Variants in DPY19L2 observed in about 807,000 individuals in gnomAD.
DPY19L2 encodes dpy-19 like 2.
A neutral mutation model predicts 97.9 loss-of-function variants in DPY19L2; 34 were observed. The ratio of observed to expected loss-of-function variants is 0.35; its 90% CI spans 0.26 to 0.46. The LOEUF is 0.46. DPY19L2 is among the 20% of genes least tolerant of loss of function. The pLI, the probability that DPY19L2 is intolerant of heterozygous loss-of-function variation, is 1.00. For missense variants in DPY19L2, 623 were observed against 911.4 expected (o/e 0.68, Z 4.07); for synonymous variants, 230 against 307.9 (o/e 0.75, Z 2.65).
chr12:63,594,024 G>A (rs1345441276), intron 16 of DPY19L2, 63 bp downstream of exon 16: 19 of 1,172,006 alleles, frequency 1.6e-5, no homozygotes, highest in Non-Finnish European at 2.3e-5. Flanking sequence ...AAAAATTAAT[G>A]TTACAGTAAG....
intron 16 of DPY19L2, among the ~76,000 whole-genome samples, chr12:63,588,719 G>T (rs1592455403): frequency 2.8e-5 from 4 of 141,194 alleles, no homozygotes; most frequent in South Asian, 2.4e-4. Context: ...AATTATCCTG[G>T]TTTATATAAA....
intron 13 of DPY19L2, among the ~76,000 whole-genome samples, chr12:63,599,040 G>A (rs755519037): frequency 9.2e-5 from 14 of 151,830 alleles, no homozygotes; most frequent in Non-Finnish European, 1.6e-4. Flanking sequence ...AGGTGTGGTG[G>A]CACGTGCCTA....
chr12:63,572,384 C>G (rs987401253), intron 19 of DPY19L2, among the ~76,000 whole-genome samples: 2 of 152,222 alleles, frequency 1.3e-5, no homozygotes, highest in Non-Finnish European at 2.9e-5. Context: ...CTGGTGGTTT[C>G]AGCACCAGCT....
chr12:63,625,107 T>G (rs554493719), intron 7 of DPY19L2, among the ~76,000 whole-genome samples: 1 of 152,288 alleles, frequency 6.6e-6, no homozygotes, highest in Non-Finnish European at 1.5e-5. Context: ...TAAAAGTACT[T>G]CTACCCTGGC....
At chr12:63,663,451 A>C (rs1283007180) in intron 3 of DPY19L2, among the ~76,000 whole-genome samples, 2 of 152,180 alleles carry the variant, frequency 1.3e-5, no homozygotes, top group Non-Finnish European at 2.9e-5. Context: ...AAGAGAAGGC[A>C]ATTTCTGATA....
intron 21 of DPY19L2, among the ~76,000 whole-genome samples, chr12:63,567,156 T>G (rs1877886443): frequency 1.3e-5 from 2 of 152,034 alleles, no homozygotes; most frequent in Admixed American, 1.3e-4. Flanking sequence ...TATCTTCTTC[T>G]CCTCCCTACC....
intron 16 of DPY19L2, among the ~76,000 whole-genome samples, chr12:63,589,985 G>A (rs1882604051): frequency 6.6e-6 from 1 of 152,062 alleles, no homozygotes; most frequent in African/African-American, 2.4e-5. Context: ...AAAATTAGCT[G>A]AGTGTGATGA....
intron 14 of DPY19L2, among the ~76,000 whole-genome samples, chr12:63,596,852 T>C (rs1317875224): frequency 6.6e-6 from 1 of 152,194 alleles, no homozygotes; most frequent in Non-Finnish European, 1.5e-5. Flanking sequence ...TGATCTTGGC[T>C]TGTGTGTGCT....
In DPY19L2 at chr12:63,668,268, T is replaced by G; in HGVS notation, c.126A>C (p.Leu42=). 3 of 1,613,808 alleles carry G rather than the reference T, an allele frequency of 1.9e-6. No individual in the cohort carries two copies. The highest frequency in any genetic ancestry group is 2.5e-6 in the Non-Finnish European group (3 of 1,179,840). Residue 42 remains leucine, a synonymous_variant, in exon 1 of 22, where the codon CTA becomes CTC. Transcript: ENST00000324472. ...AGCCCCTTGGCAGTTTCCCGCCGCC[T>G]AGGGCCGACTTTTCCATCTCCTCCT... is the stretch of plus-strand genomic sequence containing the variant. ...EVEEEMEKSA[L]GGGKLPRGSW...
chr12:63,657,261 T>C (rs983203005), intron 4 of DPY19L2, among the ~76,000 whole-genome samples: 1 of 152,214 alleles, frequency 6.6e-6, no homozygotes, highest in African/African-American at 2.4e-5. Context: ...CTGGAGTTTG[T>C]TGCCGCTATG....
At chr12:63,637,014 A>T (rs1891834280) in intron 6 of DPY19L2, among the ~76,000 whole-genome samples, 1 of 152,168 alleles carries the variant, frequency 6.6e-6, no homozygotes, top group Non-Finnish European at 1.5e-5. Flanking sequence ...ACTTATTTCA[A>T]AATTGACCAC....
At chr12:63,663,592 CA>C (rs530824923) in intron 3 of DPY19L2, among the ~76,000 whole-genome samples, 165 bp downstream of exon 3, 2,100 of 152,202 alleles carry the variant, frequency 0.014, 24 homozygotes, top group Non-Finnish European at 0.021. Flanking sequence ...AATGAAGTAA[CA>C]GAAAAATAAT....
At chr12:63,641,610 A>G (rs1397349932) in intron 6 of DPY19L2, among the ~76,000 whole-genome samples, 2 of 151,966 alleles carry the variant, frequency 1.3e-5, no homozygotes, top group Non-Finnish European at 2.9e-5. Context: ...TATATTTGTA[A>G]GATTCAACCA....
chr12:63,594,277 C>CTA (rs1883711720), intron 15 of DPY19L2, 144 bp from the exon 16 acceptor site: 2 of 556,512 alleles, frequency 3.6e-6, no homozygotes, highest in Non-Finnish European at 6.2e-6. Context: ...GACGGTCATA[C>CTA]TATAGATGCC....
chr12:63,573,582 AC>A (rs1381785143), intron 19 of DPY19L2, among the ~76,000 whole-genome samples: 2 of 152,162 alleles, frequency 1.3e-5, no homozygotes, highest in Non-Finnish European at 2.9e-5. Context: ...ATATTCAAGC[AC>A]AAGGTTATAG....
At chr12:63,622,972 A>G (rs1378341570) in intron 8 of DPY19L2, among the ~76,000 whole-genome samples, 2 of 152,164 alleles carry the variant, frequency 1.3e-5, no homozygotes, top group African/African-American at 2.4e-5. Flanking sequence ...TCATAAATTT[A>G]CTGTTTTAAA....
chr12:63,588,126 C>T lies in DPY19L2; in HGVS notation c.1581-4290G>A, dbSNP rs1200479556. On this transcript the variant is annotated intron_variant, in intron 16 of 21. Coordinates refer to ENST00000324472, the MANE Select transcript of DPY19L2 (RefSeq NM_173812.5). ...AGTGCACCAAAAGAAAAACTAAGGACATAAACATATAAACAGAGATTAATA... is the reference window on the plus strand; with the variant it reads ...AGTGCACCAAAAGAAAAACTAAGGATATAAACATATAAACAGAGATTAATA... Among the ~76,000 whole-genome samples, 3 of 152,062 alleles carry T rather than the reference C, an allele frequency of 2.0e-5. No individual in the cohort carries two copies. In the East Asian group the frequency reaches 5.8e-4, roughly 29 times the overall value.
At position 63,600,298 on chromosome 12, in the gene DPY19L2, G is replaced by C; in HGVS notation, c.1359+8C>G. Reference sequence around the variant, plus strand: ...AGAACTTTCATGTTTTAACTAAAAAGTACTTACGTGGTCTGAAACGCCTAA... The same window carrying C: ...AGAACTTTCATGTTTTAACTAAAAACTACTTACGTGGTCTGAAACGCCTAA... On this transcript the variant is annotated splice_region_variant and intron_variant, in intron 13 of 21. Coordinates refer to ENST00000324472, the MANE Select transcript of DPY19L2 (RefSeq NM_173812.5). The C allele has an allele frequency of 6.2e-7, 1 of 1,600,986 alleles. No individual in the cohort carries two copies. The highest frequency in any genetic ancestry group is 8.5e-7 in the Non-Finnish European group (1 of 1,170,248).
intron 4 of DPY19L2, among the ~76,000 whole-genome samples, chr12:63,659,780 G>A (rs142908706): frequency 0.033 from 5,087 of 152,058 alleles, 143 homozygotes; most frequent in African/African-American, 0.071. Flanking sequence ...ACTCAATTGT[G>A]GTGATGGATA....
Sources: allele counts gnomAD v4.1 joint callset (sites outside exome capture counted in the v4.1 genomes callset), GRCh38; gene constraint gnomAD v4.1.1; transcripts MANE v1.5; gene names NCBI Gene and HGNC (gene_info 2026-07-23, HGNC 2026-07-21).